ADAM20: variants seen among roughly 807,000 people sequenced by gnomAD.
ADAM20 encodes disintegrin and metalloproteinase domain-containing protein 20.
For synonymous variants in ADAM20, 305 were observed against 310.2 expected (o/e 0.98, Z 0.18); for missense variants, 871 against 883.2 (o/e 0.99, Z 0.18).
the ADAM20 span, among the ~76,000 whole-genome samples, chr14:70,574,627 G>A: frequency 2.0e-3 from 299 of 151,302 alleles, 1 homozygote; most frequent in African/African-American, 6.9e-3. Flanking sequence ...GGGACAGAGC[G>A]AGACTCCGTC....
At chr14:70,569,194 G>A in the ADAM20 span, among the ~76,000 whole-genome samples, 2 of 152,126 alleles carry the variant, frequency 1.3e-5, no homozygotes, top group African/African-American at 2.4e-5. Context: ...AAATAAGGGA[G>A]AAATAAAGCC....
chr14:70,559,642 G>A, the ADAM20 span, among the ~76,000 whole-genome samples: 2 of 152,166 alleles, frequency 1.3e-5, no homozygotes, highest in Non-Finnish European at 2.9e-5. Context: ...TATACCTCCT[G>A]CCATCACTAT....
At chr14:70,537,835 C>A (rs929291990), upstream of ADAM20, among the ~76,000 whole-genome samples, 2 of 152,024 alleles carry the variant, frequency 1.3e-5, no homozygotes, top group African/African-American at 2.4e-5. Context: ...AAAAATGGCA[C>A]CTTTAACTTT....
chr14:70,527,611 C>T (rs1280049323), intron 1 of ADAM20, among the ~76,000 whole-genome samples: 2 of 152,106 alleles, frequency 1.3e-5, no homozygotes, highest in African/African-American at 2.4e-5. Flanking sequence ...CCTCAAAAAA[C>T]AAATATAAGA....
In ADAM20 at chr14:70,523,872, C is replaced by A. The variant is rs889571051; in HGVS notation, c.886G>T (p.Ala296Ser). 32 of 1,613,786 alleles carry A rather than the reference C, an allele frequency of 2.0e-5. No homozygotes were observed. The highest frequency in any genetic ancestry group is 2.6e-5 in the Non-Finnish European group (31 of 1,179,928). ...NLNNRLQHDV[A>S]HLFIKDTQGM... ...TGTGTGTCTTTTATGAAAAGATGTG[C>A]AACATCATGTTGTAGTCGATTATTA... The change falls in exon 2 of 2, where the codon GCA becomes TCA. Residue 296 changes from alanine to serine, a missense_variant. Transcript: ENST00000256389.
chr14:70,578,386 G>C, the ADAM20 span, among the ~76,000 whole-genome samples: 1 of 151,994 alleles, frequency 6.6e-6, no homozygotes, highest in African/African-American at 2.4e-5. Context: ...AAATTATAAA[G>C]ATCCTAGAAG....
chr14:70,546,430 G>T, the ADAM20 span, among the ~76,000 whole-genome samples: 2 of 152,194 alleles, frequency 1.3e-5, no homozygotes, highest in African/African-American at 4.8e-5. Context: ...GAAGTAGATT[G>T]ATTCCATCCA....
chr14:70,569,921 G>T, the ADAM20 span, among the ~76,000 whole-genome samples: 1 of 136,836 alleles, frequency 7.3e-6, no homozygotes, highest in East Asian at 2.3e-4. Context: ...AAAACACTCT[G>T]GACTTAAACT....
chr14:70,531,870 A>G (rs547688103), intron 1 of ADAM20, among the ~76,000 whole-genome samples: 1 of 152,282 alleles, frequency 6.6e-6, no homozygotes, highest in East Asian at 1.9e-4. Flanking sequence ...ATAAATGGAA[A>G]GACATCTCAT....
upstream of ADAM20, among the ~76,000 whole-genome samples, chr14:70,537,041 CTCTT>C (rs1272822224): frequency 6.6e-6 from 1 of 151,570 alleles, no homozygotes; most frequent in African/African-American, 2.4e-5. Context: ...TGTTTCTTTT[CTCTT>C]TCTTTACTTC....
chr14:70,563,227 T>G, the ADAM20 span, among the ~76,000 whole-genome samples: 2 of 151,990 alleles, frequency 1.3e-5, no homozygotes, highest in Admixed American at 1.3e-4. Context: ...TGACAGGTAA[T>G]TAGCAGCCCT....
the ADAM20 span, among the ~76,000 whole-genome samples, chr14:70,572,540 A>G: frequency 6.6e-6 from 1 of 152,218 alleles, no homozygotes; most frequent in Non-Finnish European, 1.5e-5. Context: ...TGGCCCAAGC[A>G]AAGAATTTAT....
At chr14:70,544,765 A>T in the ADAM20 span, among the ~76,000 whole-genome samples, 1 of 152,152 alleles carries the variant, frequency 6.6e-6, no homozygotes, top group Non-Finnish European at 1.5e-5. Context: ...TCATTATTAC[A>T]CATTATAAAC....
chr14:70,553,823 G>A, the ADAM20 span, among the ~76,000 whole-genome samples: 4 of 151,874 alleles, frequency 2.6e-5, no homozygotes, highest in African/African-American at 7.3e-5. Flanking sequence ...CAGACCCACA[G>A]CTAGCATCAT....
intron 1 of ADAM20, among the ~76,000 whole-genome samples, chr14:70,526,700 C>A (rs1280805316): frequency 6.6e-6 from 1 of 152,206 alleles, no homozygotes; most frequent in Non-Finnish European, 1.5e-5. Flanking sequence ...AGGAACATTG[C>A]CTTCCCATTA....
upstream of ADAM20, among the ~76,000 whole-genome samples, chr14:70,538,700 ACC>A (rs898888249): frequency 1.3e-5 from 2 of 152,260 alleles, no homozygotes; most frequent in Non-Finnish European, 2.9e-5. Context: ...TCCTCACAGA[ACC>A]CCTGGAATTA....
At chr14:70,553,405 A>C in the ADAM20 span, among the ~76,000 whole-genome samples, 22 of 149,622 alleles carry the variant, frequency 1.5e-4, no homozygotes, top group African/African-American at 5.1e-4. Context: ...AAAGTAGAGA[A>C]AGGGATACTT....
chr14:70,527,480 G>A (rs1418819857), intron 1 of ADAM20, among the ~76,000 whole-genome samples: 1 of 152,084 alleles, frequency 6.6e-6, no homozygotes. Context: ...ATACTCCCAT[G>A]GCTACCACCT....
chr14:70,543,658 C>G, the ADAM20 span, among the ~76,000 whole-genome samples: 1 of 152,254 alleles, frequency 6.6e-6, no homozygotes, highest in Non-Finnish European at 1.5e-5. Context: ...ATGTTCTTAC[C>G]CTGCCTACTA....
Sources: allele counts gnomAD v4.1 joint callset (sites outside exome capture counted in the v4.1 genomes callset), GRCh38; gene constraint gnomAD v4.1.1; transcripts MANE v1.5; gene names NCBI Gene and HGNC (gene_info 2026-07-23, HGNC 2026-07-21).